KCTD1: variants seen among roughly 807,000 people sequenced by gnomAD.
KCTD1 encodes the protein potassium channel tetramerization domain containing 1.
In KCTD1, 24 loss-of-function variants were observed where a neutral mutation model predicts 66.0. That is an observed-to-expected ratio of 0.36 (90% CI 0.26 to 0.51). KCTD1 has a LOEUF of 0.51. KCTD1 is among the 20% of genes least tolerant of loss of function. The probability of loss-of-function intolerance (pLI) is 0.95; values close to 1 mark genes in which losing one functional copy is unlikely to be tolerated. For missense variants in KCTD1, 943 were observed against 1,205.2 expected, an observed-to-expected ratio of 0.78 and a Z score of 3.22; for synonymous variants, 511 against 517.2, an observed-to-expected ratio of 0.99 and a Z score of 0.16.
intron 1 of KCTD1, among the ~76,000 whole-genome samples, chr18:26,527,327 ACTTACTG>A (rs1984211663): frequency 6.6e-6 from 1 of 152,148 alleles, no homozygotes; most frequent in Non-Finnish European, 1.5e-5. Context: ...CAATTGAATG[ACTTACTG>A]CTTTAGTGTC....
Position 26,455,817 on chromosome 18 carries a change from C to T in KCTD1, c.2524G>A (p.Val842Ile), listed in dbSNP as rs1475861013. 3 of 1,614,086 alleles carry T rather than the reference C, an allele frequency of 1.9e-6. No individual in the cohort carries two copies. Among genetic ancestry groups the T allele is most frequent in the Non-Finnish European group, 2.5e-6 (3 of 1,180,056 alleles). The change falls in exon 5 of 5, where the codon GTC becomes ATC. Residue 842 changes from valine to isoleucine, a missense_variant. Transcript: ENST00000580059. ...GTCCGCCTCAGTTCCCGCCGAAGGACGTATTCGCTGAACTGGGACGAGTCT... is the reference window on the plus strand; with the variant it reads ...GTCCGCCTCAGTTCCCGCCGAAGGATGTATTCGCTGAACTGGGACGAGTCT... ...GVDSSQFSEY[V>I]LRRELRRTPR...
intron 1 of KCTD1, among the ~76,000 whole-genome samples, chr18:26,524,424 TA>T (rs1884871371): frequency 6.6e-6 from 1 of 152,210 alleles, no homozygotes; most frequent in South Asian, 2.1e-4. Flanking sequence ...TCTTTACAGA[TA>T]GAATTAGCTC....
upstream of KCTD1, among the ~76,000 whole-genome samples, chr18:26,633,794 C>T (rs1987669047): frequency 6.6e-6 from 1 of 152,142 alleles, no homozygotes; most frequent in African/African-American, 2.4e-5. Context: ...AATTAAAGTA[C>T]TAATGAGACA....
At chr18:26,578,914 T>C (rs953284812) in intron 1 of KCTD1, among the ~76,000 whole-genome samples, 3 of 152,320 alleles carry the variant, frequency 2.0e-5, no homozygotes, top group Non-Finnish European at 4.4e-5. Context: ...TAAGAAGTGC[T>C]CATTAGGAAT....
intron 1 of KCTD1, among the ~76,000 whole-genome samples, chr18:26,519,867 T>C (rs750573014): frequency 1.3e-5 from 2 of 152,202 alleles, no homozygotes; most frequent in Non-Finnish European, 2.9e-5. Flanking sequence ...TAAAAGTCTA[T>C]ATATTCGGAG....
At chr18:26,546,589 C>T (rs1985231695) in intron 1 of KCTD1, 139 bp downstream of exon 1, 3 of 1,021,460 alleles carry the variant, frequency 2.9e-6, no homozygotes. Context: ...GAGTTAACTT[C>T]TAAGGGTGAA....
intron 1 of KCTD1, among the ~76,000 whole-genome samples, chr18:26,514,579 CAG>C (rs1323724696): frequency 6.8e-6 from 1 of 147,208 alleles, no homozygotes; most frequent in African/African-American, 2.5e-5. Flanking sequence ...AAAGAAATGG[CAG>C]AGAGATGTTG....
chr18:26,599,933 CCAT>C lies in KCTD1; in HGVS notation c.-16+29211_-16+29213del, dbSNP rs752778597. 2.3e-4 allele frequency: 359 copies of C among 1,588,340 alleles called. 1 individual carries two copies. The highest frequency in any genetic ancestry group is 1.2e-3 in the South Asian group (113 of 90,542). ...GGTTCTTCTAGTCAGCTTAAGTTTT[CCAT>C]CACCAAGAAGTCTTCTCCTTCAGTG... On this transcript the variant is annotated intron_variant, in intron 1 of 4. Transcript: ENST00000317932.
rs889650557 is a variant in KCTD1 at position 26,527,564 on chromosome 18, G to A, written c.1809+19164C>T. On this transcript the variant is annotated intron_variant, in intron 1 of 4. Transcript: ENST00000580059. ...TTAGGGCAGTAAAACTATTCTATAC[G>A]ATACCATAATGGCAGAGACATGTCA... Among the ~76,000 whole-genome samples the A allele has an allele frequency of 2.6e-5, 4 of 151,670 alleles. No individual in the cohort carries two copies. The East Asian group carries it at 5.8e-4, about 22-fold the overall frequency.
chr18:26,593,308 A>G (rs1986654544), intron 1 of KCTD1, among the ~76,000 whole-genome samples: 1 of 149,268 alleles, frequency 6.7e-6, no homozygotes, highest in African/African-American at 2.5e-5. Context: ...TATGAGGAGA[A>G]GGAAGAGGAG....
At chr18:26,490,972 C>T (rs1598893156) in intron 2 of KCTD1, among the ~76,000 whole-genome samples, 1 of 152,054 alleles carries the variant, frequency 6.6e-6, no homozygotes, top group East Asian at 1.9e-4. Context: ...AGGCTGGTCT[C>T]AAACTCCTGA....
At chr18:26,590,849 T>C (rs982638232) in intron 1 of KCTD1, among the ~76,000 whole-genome samples, 3 of 152,170 alleles carry the variant, frequency 2.0e-5, no homozygotes, top group African/African-American at 7.2e-5. Context: ...TGGTATCTCT[T>C]ACAGGGACTA....
intron 1 of KCTD1, among the ~76,000 whole-genome samples, chr18:26,611,888 C>T (rs4520910): frequency 0.32 from 48,851 of 152,002 alleles, 8,392 homozygotes; most frequent in East Asian, 0.52. Flanking sequence ...GGAAACAGTT[C>T]GATCTTTTGG....
At chr18:26,542,943 A>G (rs1374118612) in intron 1 of KCTD1, 1 of 152,192 alleles carries the variant, frequency 6.6e-6, no homozygotes, top group Middle Eastern at 3.2e-3. Context: ...TTCTTTCCCA[A>G]AATGACTGCT....
intron 1 of KCTD1, among the ~76,000 whole-genome samples, chr18:26,651,934 G>A (rs1439720174): frequency 1.3e-5 from 2 of 152,136 alleles, no homozygotes; most frequent in Non-Finnish European, 2.9e-5. Flanking sequence ...AGAACAAGAT[G>A]GGTGCAGAAT....
chr18:26,639,107 C>T (rs1987781996), intron 1 of KCTD1, among the ~76,000 whole-genome samples: 1 of 152,206 alleles, frequency 6.6e-6, no homozygotes, highest in Non-Finnish European at 1.5e-5. Flanking sequence ...CATCTCCCCA[C>T]AGAAAAGCTG....
chr18:26,647,622 A>T (rs565135777), intron 1 of KCTD1, among the ~76,000 whole-genome samples: 1 of 149,120 alleles, frequency 6.7e-6, no homozygotes, highest in South Asian at 2.2e-4. Context: ...ATTTGTGCAG[A>T]CTGCATTAAG....
At chr18:26,577,747 G>GT (rs981969359) in intron 1 of KCTD1, among the ~76,000 whole-genome samples, 12 of 151,340 alleles carry the variant, frequency 7.9e-5, no homozygotes, top group Admixed American at 2.6e-4. Context: ...TTGTTTTTTT[G>GT]TTTTTTTGTA....
intron 3 of KCTD1, among the ~76,000 whole-genome samples, chr18:26,469,588 C>A (rs769629682): frequency 6.6e-6 from 1 of 152,184 alleles, no homozygotes; most frequent in Non-Finnish European, 1.5e-5. Context: ...TGATTCCCTG[C>A]AGCCTGCATC....
Sources: allele counts gnomAD v4.1 joint callset (sites outside exome capture counted in the v4.1 genomes callset), GRCh38; gene constraint gnomAD v4.1.1; transcripts MANE v1.5; gene names NCBI Gene and HGNC (gene_info 2026-07-23, HGNC 2026-07-21).